The following PRDM10 variants were observed in gnomAD, a reference collection of about 807,000 sequenced individuals.
PRDM10 encodes the protein PR domain zinc finger protein 10.
A neutral mutation model predicts 133.1 loss-of-function variants in PRDM10; 65 were observed. The ratio of observed to expected loss-of-function variants is 0.49; its 90% CI spans 0.40 to 0.60. The LOEUF (loss-of-function observed/expected upper bound fraction) is 0.60. Ranked by LOEUF, PRDM10 falls within the 20% of genes least tolerant of loss-of-function variation. The probability of loss-of-function intolerance (pLI) is 0.00; values close to 1 mark genes in which losing one functional copy is unlikely to be tolerated. For synonymous variants in PRDM10, 582 were observed against 580.4 expected (o/e 1.00, Z -0.04); for missense variants, 1,137 against 1,507.1 (o/e 0.75, Z 4.07).
chr11:129,907,261 A>T (rs1181593054), intron 19 of PRDM10, among the ~76,000 whole-genome samples: 1 of 152,184 alleles, frequency 6.6e-6, no homozygotes, highest in Admixed American at 6.5e-5. Flanking sequence ...CCACCAGCAA[A>T]ATCCAGAATG....
chr11:129,994,933 G>A (rs946206029), intron 1 of PRDM10, among the ~76,000 whole-genome samples: 2 of 152,116 alleles, frequency 1.3e-5, no homozygotes, highest in African/African-American at 4.8e-5. Flanking sequence ...GATTACAGGC[G>A]TGAGCCACTG....
intron 1 of PRDM10, among the ~76,000 whole-genome samples, chr11:129,966,852 A>G (rs538065836): frequency 2.6e-5 from 4 of 152,284 alleles, no homozygotes; most frequent in Admixed American, 6.5e-5. Flanking sequence ...CGCCACATCA[A>G]CAACGCTCTT....
intron 7 of PRDM10, 106 bp downstream of exon 7, chr11:129,942,320 C>A: frequency 8.8e-7 from 1 of 1,130,948 alleles, no homozygotes; most frequent in Non-Finnish European, 1.3e-6. Context: ...TGACCCCCCT[C>A]CCCCTTTTTT....
Position 129,915,703 on chromosome 11 carries a change from G to A in PRDM10, c.2483C>T (p.Pro828Leu), listed in dbSNP as rs995677718. 2 of 1,613,684 alleles carry A rather than the reference G, an allele frequency of 1.2e-6. No individual in the cohort carries two copies. Among genetic ancestry groups the A allele is most frequent in the Admixed American group, 1.7e-5 (1 of 59,958 alleles). ...GGAGCAGTGGGGACAGCAGACGGGA[G>A]GGGTGGCGATGGTGCCCGTCAGCTG... ...HTQLTGTIATPPVCCPHCSKQ... is the reference protein window; with the variant it reads ...HTQLTGTIATLPVCCPHCSKQ... Residue 828 changes from proline to leucine, a missense_variant, in exon 16 of 21, where the codon CCT becomes CTT. Coordinates refer to ENST00000360871, the MANE Select transcript of PRDM10 (RefSeq NM_199437.2).
At chr11:129,972,777 C>G (rs990921602) in intron 1 of PRDM10, among the ~76,000 whole-genome samples, 1 of 152,126 alleles carries the variant, frequency 6.6e-6, no homozygotes, top group East Asian at 1.9e-4. Flanking sequence ...CTTGACTGCC[C>G]GCTTAGAGAA....
At chr11:130,001,509 G>A (rs542523141) in intron 1 of PRDM10, among the ~76,000 whole-genome samples, 1 of 152,284 alleles carries the variant, frequency 6.6e-6, no homozygotes, top group Admixed American at 6.5e-5. Context: ...GGGCAGAGCT[G>A]GGTGGGTCTC....
chr11:129,965,581 C>A (rs1951890114), intron 1 of PRDM10, among the ~76,000 whole-genome samples: 1 of 152,094 alleles, frequency 6.6e-6, no homozygotes, highest in African/African-American at 2.4e-5. Context: ...CTGTCCTTTT[C>A]CCCCTGTCCC....
At chr11:129,904,824 G>A (rs1168250020) in intron 20 of PRDM10, among the ~76,000 whole-genome samples, 1 of 152,136 alleles carries the variant, frequency 6.6e-6, no homozygotes, top group African/African-American at 2.4e-5. Context: ...AAATTCACAT[G>A]TATGTACTCT....
chr11:129,992,278 A>C (rs1275293292), intron 1 of PRDM10, among the ~76,000 whole-genome samples: 1 of 152,254 alleles, frequency 6.6e-6, no homozygotes, highest in Non-Finnish European at 1.5e-5. Flanking sequence ...TTAAGTAAAC[A>C]GCTAGTGGAA....
chr11:129,922,571 C>G (rs535036721), intron 13 of PRDM10, among the ~76,000 whole-genome samples: 1 of 152,152 alleles, frequency 6.6e-6, no homozygotes, highest in African/African-American at 2.4e-5. Flanking sequence ...TGATTCTTTT[C>G]CAGTTTCTAT....
chr11:129,908,401 G>C (rs1950078833), intron 19 of PRDM10, among the ~76,000 whole-genome samples: 1 of 1,586 alleles, frequency 6.3e-4, no homozygotes, highest in Admixed American at 9.1e-3. Context: ...TTGAGTCCAG[G>C]TCAAAGCTGC....
At chr11:129,932,047 C>A in intron 10 of PRDM10, 55 bp downstream of exon 10, 2 of 1,573,054 alleles carry the variant, frequency 1.3e-6, no homozygotes, top group Non-Finnish European at 1.7e-6. Context: ...CGTCAGGGAT[C>A]TGGCGAGTCC....
intron 4 of PRDM10, among the ~76,000 whole-genome samples, chr11:129,951,845 A>G (rs1030144561): frequency 2.0e-5 from 3 of 152,204 alleles, no homozygotes; most frequent in African/African-American, 7.2e-5. Context: ...GGGGGAATGC[A>G]TACATGAAAA....
chr11:129,982,461 G>A (rs1294685857), intron 1 of PRDM10, among the ~76,000 whole-genome samples: 4 of 151,824 alleles, frequency 2.6e-5, no homozygotes, highest in African/African-American at 7.3e-5. Flanking sequence ...ACGAGGTTTC[G>A]CCAATTTAAT....
At chr11:129,993,807 C>T (rs1266304721) in intron 1 of PRDM10, among the ~76,000 whole-genome samples, 1 of 152,138 alleles carries the variant, frequency 6.6e-6, no homozygotes, top group East Asian at 1.9e-4. Flanking sequence ...ATTATTATAA[C>T]TCTTCTTGAT....
intron 7 of PRDM10, among the ~76,000 whole-genome samples, chr11:129,938,599 C>G (rs1254391777): frequency 2.0e-5 from 3 of 152,194 alleles, no homozygotes. Context: ...CTCCTTTTCT[C>G]TGCAATTTAC....
intron 5 of PRDM10, among the ~76,000 whole-genome samples, 196 bp downstream of exon 5, chr11:129,946,949 A>G (rs1489638744): frequency 6.6e-6 from 1 of 152,150 alleles, no homozygotes; most frequent in Non-Finnish European, 1.5e-5. Context: ...TCATCAGTAA[A>G]TCAGAAAACG....
At chr11:129,985,809 AATATATATATATAT>A (rs1555114095) in intron 1 of PRDM10, among the ~76,000 whole-genome samples, 3 of 61,096 alleles carry the variant, frequency 4.9e-5, no homozygotes, top group African/African-American at 2.4e-4. Context: ...AAAAAAAAAA[AATATATATATATAT>A]ATATATATAT....
At chr11:129,926,732 G>A (rs752717165) in intron 11 of PRDM10, among the ~76,000 whole-genome samples, 21 of 152,112 alleles carry the variant, frequency 1.4e-4, no homozygotes, top group African/African-American at 1.2e-4. Flanking sequence ...TCAGCTGATG[G>A]GGCTGCTTCA....
Sources: allele counts gnomAD v4.1 joint callset (sites outside exome capture counted in the v4.1 genomes callset), GRCh38; gene constraint gnomAD v4.1.1; transcripts MANE v1.5; gene names NCBI Gene and HGNC (gene_info 2026-07-23, HGNC 2026-07-21).